TNRC6B: variants seen among roughly 807,000 people sequenced by gnomAD.
The protein encoded by TNRC6B is trinucleotide repeat-containing gene 6B protein.
Under a neutral mutation model 203.6 loss-of-function variants are expected in TNRC6B, and 52 were observed. The observed-to-expected ratio is 0.26, with a 90% CI of 0.20 to 0.32. The LOEUF is 0.32. TNRC6B is among the 10% of genes least tolerant of loss of function. TNRC6B has a pLI of 1.00. For synonymous variants in TNRC6B, 838 were observed against 845.7 expected (o/e 0.99, Z 0.16); for missense variants, 1,923 against 2,286.2 (o/e 0.84, Z 3.24).
At chr22:40,232,649 G>A (rs747406009) in intron 1 of TNRC6B, among the ~76,000 whole-genome samples, 5 of 152,066 alleles carry the variant, frequency 3.3e-5, no homozygotes, top group East Asian at 3.9e-4. Flanking sequence ...AATTTTTTGC[G>A]GGGAAAAAGC....
upstream of TNRC6B, among the ~76,000 whole-genome samples, chr22:40,173,493 T>C (rs1364162318): frequency 6.6e-6 from 1 of 150,782 alleles, no homozygotes; most frequent in Non-Finnish European, 1.5e-5. Context: ...ATATAATCTG[T>C]CACCAAGGCT....
rs2044013861 is a variant in TNRC6B at position 40,334,534 on chromosome 22, G to C, written c.*11293G>C. On this transcript the variant is annotated 3_prime_UTR_variant, in exon 23 of 23. Coordinates refer to ENST00000454349, the MANE Select transcript of TNRC6B (RefSeq NM_001162501.2). ...CCCTGTTCTGCGTAACCAAAAAACA[G>C]ACAACAAAAGCAACCTGAGGAGAGG... The C allele has an allele frequency of 6.6e-6, 1 of 152,578 alleles. No individual in the cohort carries two copies. Among genetic ancestry groups the C allele is most frequent in the Non-Finnish European group, 1.5e-5 (1 of 68,036 alleles). The allele number at this position is 152,578 out of a possible 1,614,324, so 9.5% of individuals were successfully genotyped here. A position where few individuals can be genotyped will look rare whatever the true frequency, so the allele number is the denominator to read the frequency against.
chr22:40,179,027 T>C (rs756216968), intron 1 of TNRC6B, among the ~76,000 whole-genome samples: 16 of 152,240 alleles, frequency 1.1e-4, no homozygotes, highest in Non-Finnish European at 1.5e-4. Flanking sequence ...TTTTTCAGCA[T>C]AAATTCATCG....
At chr22:40,149,427 G>T (rs978764938) in intron 3 of TNRC6B, among the ~76,000 whole-genome samples, 3 of 152,028 alleles carry the variant, frequency 2.0e-5, no homozygotes, top group Admixed American at 6.6e-5. Context: ...CCAGCACTTC[G>T]GGAGGCCAAG....
At chr22:40,252,174 A>G (rs2070204667) in intron 3 of TNRC6B, among the ~76,000 whole-genome samples, 1 of 152,198 alleles carries the variant, frequency 6.6e-6, no homozygotes, top group Admixed American at 6.5e-5. Context: ...CTCCTTGCCC[A>G]CTTAAATATG....
chr22:40,278,574 A>C (rs1242002807), intron 9 of TNRC6B, among the ~76,000 whole-genome samples: 1 of 151,202 alleles, frequency 6.6e-6, no homozygotes, highest in East Asian at 1.9e-4. Context: ...AAAAAAAAAA[A>C]CCTGGGACGA....
At chr22:40,277,941 T>C in intron 8 of TNRC6B, 58 bp from the exon 9 acceptor site, 2 of 1,336,160 alleles carry the variant, frequency 1.5e-6, no homozygotes, top group Non-Finnish European at 2.1e-6. Flanking sequence ...ATAATGCCAC[T>C]TCTTTGATTC....
chr22:40,235,956 AAG>A (rs2069941524), intron 1 of TNRC6B, among the ~76,000 whole-genome samples: 1 of 152,160 alleles, frequency 6.6e-6, no homozygotes, highest in Non-Finnish European at 1.5e-5. Flanking sequence ...TCAATGTTTG[AAG>A]CTCTCTTTTT....
At chr22:40,306,425 T>C (rs1450062696) in intron 15 of TNRC6B, among the ~76,000 whole-genome samples, 3 of 152,264 alleles carry the variant, frequency 2.0e-5, no homozygotes, top group Non-Finnish European at 4.4e-5. Context: ...TTCTTTTTAA[T>C]CTTTGCCAGA....
chr22:40,297,547 G>A (rs932964385), intron 12 of TNRC6B, among the ~76,000 whole-genome samples: 12 of 152,216 alleles, frequency 7.9e-5, no homozygotes, highest in African/African-American at 2.9e-4. Context: ...TTAAAGGCCA[G>A]GCACGGTGGC....
chr22:40,264,612 A>G (rs1469737764), intron 4 of TNRC6B, 76 bp from the exon 5 acceptor site: 9 of 1,468,070 alleles, frequency 6.1e-6, no homozygotes, highest in Non-Finnish European at 8.2e-6. Flanking sequence ...CAGAGCTCAA[A>G]GGAGAGCCCC....
rs183649925 is a variant in TNRC6B at position 40,110,939 on chromosome 22, G to A, written c.-120-6116G>A. Among the ~76,000 whole-genome samples, 347 of 152,266 alleles carry A rather than the reference G, an allele frequency of 2.3e-3. 4 individuals are homozygous for A. The highest frequency in any genetic ancestry group is 7.7e-3 in the African/African-American group (322 of 41,560). ...TATTCCACAATAATTTATTGGGAAC[G>A]TCCTTTGTGCTGGCACTATATTGAA... On this transcript the variant is annotated intron_variant, in intron 1 of 23. Coordinates refer to the TNRC6B transcript ENST00000301923.
At chr22:40,086,747 C>G (rs796677507) in intron 1 of TNRC6B, among the ~76,000 whole-genome samples, 1 of 151,906 alleles carries the variant, frequency 6.6e-6, no homozygotes, top group Non-Finnish European at 1.5e-5. Flanking sequence ...TTTCGTTTGT[C>G]GTTAGAGAAA....
chr22:40,100,432 C>A (rs1341549139), intron 1 of TNRC6B, among the ~76,000 whole-genome samples: 1 of 151,982 alleles, frequency 6.6e-6, no homozygotes, highest in Non-Finnish European at 1.5e-5. Flanking sequence ...GGTTGGAGTG[C>A]AGTGATAACA....
At chr22:40,154,892 T>TATATATAC (rs2068805625) in intron 3 of TNRC6B, among the ~76,000 whole-genome samples, 4 of 40,530 alleles carry the variant, frequency 9.9e-5, no homozygotes, top group Non-Finnish European at 8.4e-5. Context: ...TATATATATA[T>TATATATAC]ATACATATAT....
At position 40,332,923 on chromosome 22, in the gene TNRC6B, GT is replaced by G. The variant is rs1381089059; in HGVS notation, c.*9685del. The G allele has an allele frequency of 2.0e-5, 3 of 152,584 alleles. No individual in the cohort carries two copies. The highest frequency in any genetic ancestry group is 7.2e-5 in the African/African-American group (3 of 41,438). The allele number at this position is 152,584 out of a possible 1,614,324, so 9.5% of individuals were successfully genotyped here. ...GGTTTTTGTTTTTAAGCCATCAGAA[GT>G]TTCAGATCTTTACTCTTTCATGTTT... On this transcript the variant is annotated 3_prime_UTR_variant, in exon 23 of 23. Coordinates refer to ENST00000454349, the MANE Select transcript of TNRC6B (RefSeq NM_001162501.2).
At chr22:40,082,444 T>C (rs990641944) in intron 1 of TNRC6B, among the ~76,000 whole-genome samples, 9 of 152,090 alleles carry the variant, frequency 5.9e-5, no homozygotes, top group African/African-American at 1.2e-4. Flanking sequence ...ACTGGGGCTG[T>C]ATTAGAGTGA....
exon 3 of TNRC6B, chr22:40,125,780 T>G: frequency 6.3e-7 from 1 of 1,596,492 alleles, no homozygotes; most frequent in Non-Finnish European, 8.5e-7. Context: ...AGGCAGTATT[T>G]TTGTGTTTCT....
At chr22:40,076,636 C>G (rs1427382447) in intron 1 of TNRC6B, among the ~76,000 whole-genome samples, 6 of 152,158 alleles carry the variant, frequency 3.9e-5, no homozygotes, top group Non-Finnish European at 7.3e-5. Flanking sequence ...CTCTTGGCCT[C>G]AAGCAGTCTT....
Sources: allele counts gnomAD v4.1 joint callset (sites outside exome capture counted in the v4.1 genomes callset), GRCh38; gene constraint gnomAD v4.1.1; transcripts MANE v1.5; gene names NCBI Gene and HGNC (gene_info 2026-07-23, HGNC 2026-07-21).